PIP5K1B: variants seen among roughly 807,000 people sequenced by gnomAD.
PIP5K1B encodes the protein phosphatidylinositol-4-phosphate 5-kinase type 1 beta.
PIP5K1B carries 42 observed loss-of-function variants against 67.0 expected under a neutral mutation model. The ratio of observed to expected loss-of-function variants is 0.63; its 90% CI spans 0.49 to 0.81. The LOEUF is 0.81. Ranked by LOEUF, PIP5K1B falls within the 30% of genes least tolerant of loss-of-function variation. The pLI is 0.00. For synonymous variants in PIP5K1B, 214 were observed against 231.4 expected (o/e 0.92, Z 0.68); for missense variants, 459 against 646.3 (o/e 0.71, Z 3.14).
At chr9:69,006,414 T>C (rs1315954998) in intron 15 of PIP5K1B, among the ~76,000 whole-genome samples, 6 of 152,062 alleles carry the variant, frequency 3.9e-5, no homozygotes, top group African/African-American at 1.5e-4. Flanking sequence ...GCTTTACAAC[T>C]CTACGCCCTT....
chr9:68,801,999 A>G (rs1451433856), intron 2 of PIP5K1B, among the ~76,000 whole-genome samples: 1 of 152,234 alleles, frequency 6.6e-6, no homozygotes, highest in Non-Finnish European at 1.5e-5. Flanking sequence ...CTGGATGAGA[A>G]GATTGATGGC....
Position 68,780,583 on chromosome 9 carries a change from T to C in PIP5K1B, c.-85-37878T>C, listed in dbSNP as rs1167110174. The stretch of plus-strand genomic sequence containing the variant: ...GCCTCCCCCAAGCGCATCGATTTCA[T>C]TCCTGTGTCACCAGCACCGTCACCC... On this transcript the variant is annotated intron_variant, in intron 2 of 15. Coordinates refer to ENST00000265382, the MANE Select transcript of PIP5K1B (RefSeq NM_003558.4). 6.2e-6 allele frequency: 10 copies of C among 1,614,096 alleles called. No homozygotes were observed. The highest frequency in any genetic ancestry group is 1.1e-5 in the South Asian group (1 of 91,094).
intron 2 of PIP5K1B, chr9:68,789,622 C>A: frequency 2.7e-6 from 1 of 364,824 alleles, no homozygotes; most frequent in East Asian, 8.0e-5. Context: ...CAGTGTTTCT[C>A]CAGGAAAATA....
At chr9:68,951,440 T>C (rs1051056826) in intron 14 of PIP5K1B, among the ~76,000 whole-genome samples, 1 of 152,206 alleles carries the variant, frequency 6.6e-6, no homozygotes, top group African/African-American at 2.4e-5. Context: ...ATGAGTGCAT[T>C]TCAGTTGGTG....
chr9:68,964,887 C>T (rs775158028), intron 14 of PIP5K1B, among the ~76,000 whole-genome samples: 13 of 152,298 alleles, frequency 8.5e-5, no homozygotes, highest in East Asian at 1.9e-4. Flanking sequence ...GCCTGATAGA[C>T]GGAAAAATAA....
At position 68,896,455 on chromosome 9, in the gene PIP5K1B, C is replaced by T. The variant is rs377060019; in HGVS notation, c.771+1817C>T. 1.1e-4 allele frequency among the ~76,000 whole-genome samples: 16 copies of T among 151,852 alleles called. No individual in the cohort carries two copies. In the South Asian group the frequency reaches 3.1e-3, roughly 30 times the overall value. ...GACCGCGAGGTCAAACCAAACTTTT[C>T]ATCACAAGTGAGACCCTGGAGATTT... On this transcript the variant is annotated intron_variant, in intron 8 of 15. Coordinates refer to ENST00000265382, the MANE Select transcript of PIP5K1B (RefSeq NM_003558.4).
At chr9:68,780,322 C>T (rs1431982358) in intron 2 of PIP5K1B, 2 of 1,604,186 alleles carry the variant, frequency 1.2e-6, no homozygotes, top group Non-Finnish European at 1.7e-6. Context: ...GTGTTCCAGG[C>T]CGAGGCGCCG....
intron 6 of PIP5K1B, among the ~76,000 whole-genome samples, chr9:68,878,938 T>A (rs1290659605): frequency 1.3e-5 from 2 of 152,154 alleles, no homozygotes; most frequent in East Asian, 1.9e-4. Flanking sequence ...ATCAGAGATG[T>A]GGATGTGTTC....
intron 14 of PIP5K1B, among the ~76,000 whole-genome samples, chr9:68,976,947 G>C (rs1327009173): frequency 2.6e-5 from 4 of 152,152 alleles, no homozygotes; most frequent in Non-Finnish European, 5.9e-5. Context: ...CCCAATTCCT[G>C]TTGCCTTCAT....
chr9:68,973,836 A>G (rs1829509356), intron 14 of PIP5K1B, among the ~76,000 whole-genome samples: 1 of 152,212 alleles, frequency 6.6e-6, no homozygotes, highest in Non-Finnish European at 1.5e-5. Context: ...AGGCACAGGC[A>G]GGGCCTTCAG....
intron 1 of PIP5K1B, chr9:68,727,454 G>C (rs1199318976): frequency 6.6e-6 from 1 of 152,194 alleles, no homozygotes; most frequent in African/African-American, 2.4e-5. Flanking sequence ...ATAATAGGTA[G>C]AGGGTAAGAC....
chr9:68,730,361 C>T (rs1028116351), intron 1 of PIP5K1B, among the ~76,000 whole-genome samples: 1 of 152,060 alleles, frequency 6.6e-6, no homozygotes, highest in Non-Finnish European at 1.5e-5. Flanking sequence ...AATGGGATGC[C>T]AATGAGGGTC....
chr9:68,884,579 A>G (rs1824366524), intron 6 of PIP5K1B, among the ~76,000 whole-genome samples: 1 of 151,378 alleles, frequency 6.6e-6, no homozygotes, highest in Admixed American at 6.6e-5. Context: ...TGAGAGGATC[A>G]CCAGAGCCTG....
intron 2 of PIP5K1B, among the ~76,000 whole-genome samples, chr9:68,791,460 T>A (rs1831967766): frequency 1.3e-5 from 2 of 152,186 alleles, no homozygotes; most frequent in African/African-American, 4.8e-5. Flanking sequence ...AAGAATGGCA[T>A]TGAGGATGGT....
chr9:68,968,092 G>C (rs1320602858), intron 14 of PIP5K1B, among the ~76,000 whole-genome samples: 1 of 152,206 alleles, frequency 6.6e-6, no homozygotes, highest in Non-Finnish European at 1.5e-5. Flanking sequence ...AGCTATTTAT[G>C]TTAGTATAAC....
intron 8 of PIP5K1B, among the ~76,000 whole-genome samples, chr9:68,905,497 G>A (rs1313157803): frequency 6.6e-6 from 1 of 152,182 alleles, no homozygotes; most frequent in East Asian, 1.9e-4. Flanking sequence ...CCATACCTTG[G>A]GAGGAACTTC....
rs984783441 is a variant in PIP5K1B, at chr9:68,886,128, G to A, written c.319-2853G>A. Among the ~76,000 whole-genome samples, 6 of 151,930 alleles carry A rather than the reference G, an allele frequency of 3.9e-5. No homozygotes were observed. In the South Asian group the frequency reaches 6.2e-4, roughly 16 times the overall value. ...CGGGAGGCGGAGCTTGCAGTGAGCCGAGATTGTACCACTGCACTCCAGCCT... is the reference window on the plus strand; with the variant it reads ...CGGGAGGCGGAGCTTGCAGTGAGCCAAGATTGTACCACTGCACTCCAGCCT... On this transcript the variant is annotated intron_variant, in intron 6 of 15. Coordinates refer to ENST00000265382, the MANE Select transcript of PIP5K1B (RefSeq NM_003558.4).
chr9:68,894,714 A>C (rs1486055744), intron 8 of PIP5K1B, 76 bp downstream of exon 8: 7 of 1,370,354 alleles, frequency 5.1e-6, no homozygotes, highest in African/African-American at 1.4e-5. Flanking sequence ...TATTGAAAGC[A>C]TAGAAATAAG....
intron 4 of PIP5K1B, among the ~76,000 whole-genome samples, 158 bp from the exon 5 acceptor site, chr9:68,863,679 G>A (rs72720038): frequency 0.24 from 36,964 of 152,100 alleles, 5,266 homozygotes; most frequent in Middle Eastern, 0.33. Context: ...AATAGATTCT[G>A]CATCAAAAGA....
Sources: gnomAD v4.1 joint callset for allele counts (sites outside exome capture counted in the v4.1 genomes callset) on GRCh38, gnomAD v4.1.1 for gene constraint, MANE v1.5 for transcripts, NCBI Gene and HGNC (gene_info 2026-07-23, HGNC 2026-07-21) for gene names.